ALK: variants seen among roughly 807,000 people sequenced by gnomAD.
ALK encodes ALK receptor tyrosine kinase.
Under a neutral mutation model 163.1 loss-of-function variants are expected in ALK, and 74 were observed. That is an observed-to-expected ratio of 0.45 (90% CI 0.38 to 0.55). The LOEUF (loss-of-function observed/expected upper bound fraction) is 0.55, where lower values mean the gene tolerates loss of function less well. Ranked by LOEUF, ALK falls within the 20% of genes least tolerant of loss-of-function variation. The probability of loss-of-function intolerance (pLI) is 0.00; values close to 1 mark genes in which losing one functional copy is unlikely to be tolerated. For synonymous variants in ALK, 960 were observed against 843.2 expected (o/e 1.14, Z -2.40); for missense variants, 2,063 against 2,105.3 (o/e 0.98, Z 0.39).
At chr2:29,582,478 T>A (rs1399158300) in intron 3 of ALK, among the ~76,000 whole-genome samples, 1 of 152,234 alleles carries the variant, frequency 6.6e-6, no homozygotes, top group African/African-American at 2.4e-5. Context: ...GTGCCATGGA[T>A]GTGACAGATT....
At chr2:29,876,387 A>T (rs1255555210) in intron 1 of ALK, among the ~76,000 whole-genome samples, 1 of 148,656 alleles carries the variant, frequency 6.7e-6, no homozygotes, top group Non-Finnish European at 1.5e-5. Flanking sequence ...AGTGATAATG[A>T]TGATGGTGAT....
chr2:29,233,283 C>CA (rs1388260041), intron 14 of ALK, among the ~76,000 whole-genome samples: 32 of 152,270 alleles, frequency 2.1e-4, no homozygotes, highest in African/African-American at 7.0e-4. Flanking sequence ...GCTAGGACTA[C>CA]AGGTGCAAGC....
chr2:29,719,952 G>A (rs1334543030), intron 1 of ALK, among the ~76,000 whole-genome samples: 1 of 152,158 alleles, frequency 6.6e-6, no homozygotes, highest in Non-Finnish European at 1.5e-5. Context: ...TTAGACTCTA[G>A]GTCTGAGTCA....
intron 11 of ALK, among the ~76,000 whole-genome samples, chr2:29,265,733 A>G (rs576391474): frequency 6.6e-6 from 1 of 152,304 alleles, no homozygotes; most frequent in Admixed American, 6.5e-5. Context: ...CATGCCTGTA[A>G]TCTCAGCACT....
chr2:29,687,673 T>C (rs908705927), intron 3 of ALK, among the ~76,000 whole-genome samples: 9 of 152,136 alleles, frequency 5.9e-5, no homozygotes, highest in African/African-American at 9.7e-5. Context: ...CTTCTGCTAC[T>C]GTGTTGGTAT....
chr2:29,565,653 G>A (rs545639004), intron 3 of ALK, among the ~76,000 whole-genome samples: 15 of 152,258 alleles, frequency 9.9e-5, no homozygotes, highest in African/African-American at 2.2e-4. Flanking sequence ...CAGCCACCAC[G>A]TTGCCCTGGG....
chr2:29,327,218 G>A (rs1333234273), intron 6 of ALK, among the ~76,000 whole-genome samples: 5 of 152,140 alleles, frequency 3.3e-5, no homozygotes, highest in Non-Finnish European at 7.4e-5. Context: ...TGGGGCCTCG[G>A]CAATTTGTTT....
chr2:29,685,061 T>C (rs1678195515), intron 3 of ALK, among the ~76,000 whole-genome samples: 2 of 152,210 alleles, frequency 1.3e-5, no homozygotes, highest in African/African-American at 2.4e-5. Context: ...GAAATACCTA[T>C]CTTGCTATAT....
chr2:29,497,360 C>T (rs1028462596), intron 4 of ALK, among the ~76,000 whole-genome samples: 4 of 152,196 alleles, frequency 2.6e-5, no homozygotes, highest in African/African-American at 9.7e-5. Context: ...CTGCGTACCA[C>T]TCCCTTGGTT....
chr2:29,919,020 T>C (rs1194580887), intron 1 of ALK, among the ~76,000 whole-genome samples: 1 of 152,304 alleles, frequency 6.6e-6, no homozygotes, highest in East Asian at 1.9e-4. Flanking sequence ...AGTCAAAGGA[T>C]ACTCTGGAAA....
rs111505977 is a variant in ALK at position 29,207,114 on chromosome 2, G to A, written c.3938+57C>T. The A allele has an allele frequency of 8.7e-4, 1,207 of 1,392,500 alleles. 2 individuals are homozygous for A. In the African/African-American group the frequency reaches 0.012, roughly 14 times the overall value. 86.3% of individuals were successfully genotyped at this position (1,392,500 alleles called of 1,614,324 possible). A position where few individuals can be genotyped will look rare whatever the true frequency, so the allele number is the denominator to read the frequency against. On this transcript the variant is annotated intron_variant, in intron 26 of 28. Coordinates refer to ENST00000389048, the MANE Select transcript of ALK (RefSeq NM_004304.5). Reference sequence around the variant, plus strand: ...CCGGCTTAGAGTATAGAGTCCTTTGGCCCAGGAGCACCACCTTATGGCTGC... The same window carrying A: ...CCGGCTTAGAGTATAGAGTCCTTTGACCCAGGAGCACCACCTTATGGCTGC...
At chr2:29,711,526 C>T (rs1241315085) in intron 2 of ALK, among the ~76,000 whole-genome samples, 1 of 152,096 alleles carries the variant, frequency 6.6e-6, no homozygotes, top group Non-Finnish European at 1.5e-5. Context: ...ATGTCTAGAG[C>T]ACAACTAAGC....
intron 4 of ALK, among the ~76,000 whole-genome samples, chr2:29,497,511 C>A (rs374248662): frequency 6.6e-6 from 1 of 152,222 alleles, no homozygotes; most frequent in African/African-American, 2.4e-5. Flanking sequence ...CACATCCCCA[C>A]TGACCTCAGC....
chr2:29,234,838 A>T (rs974064858), intron 13 of ALK, among the ~76,000 whole-genome samples: 8 of 152,152 alleles, frequency 5.3e-5, no homozygotes, highest in Non-Finnish European at 1.0e-4. Flanking sequence ...TCTGCCTCCC[A>T]AGCAGCTGGG....
intron 1 of ALK, among the ~76,000 whole-genome samples, chr2:29,869,927 A>G (rs1354336017): frequency 2.6e-5 from 4 of 152,212 alleles, no homozygotes; most frequent in African/African-American, 9.6e-5. Flanking sequence ...GAGAAAATAC[A>G]AATGGTAAAT....
intron 3 of ALK, among the ~76,000 whole-genome samples, chr2:29,534,913 C>A (rs939576633): frequency 6.6e-6 from 1 of 152,126 alleles, no homozygotes; most frequent in Non-Finnish European, 1.5e-5. Context: ...TTTCTGCAAC[C>A]GGACTATCAA....
intron 8 of ALK, among the ~76,000 whole-genome samples, chr2:29,315,823 C>T (rs947859443): frequency 3.3e-5 from 5 of 152,266 alleles, no homozygotes; most frequent in East Asian, 3.9e-4. Context: ...TTTAACTTCC[C>T]GGAGACCAGG....
intron 5 of ALK, among the ~76,000 whole-genome samples, chr2:29,362,748 G>A (rs1382873996): frequency 2.0e-5 from 3 of 152,112 alleles, no homozygotes; most frequent in Admixed American, 6.5e-5. Flanking sequence ...AGCTCTTTAA[G>A]GCCAGAAAAC....
intron 1 of ALK, among the ~76,000 whole-genome samples, chr2:29,779,111 G>C (rs368728112): frequency 1.1e-4 from 16 of 152,090 alleles, no homozygotes; most frequent in South Asian, 1.0e-3. Context: ...AGCCGAGATC[G>C]TGCCACTGCA....
Sources: gnomAD v4.1 joint callset for allele counts (sites outside exome capture counted in the v4.1 genomes callset) on GRCh38, gnomAD v4.1.1 for gene constraint, MANE v1.5 for transcripts, NCBI Gene and HGNC (gene_info 2026-07-23, HGNC 2026-07-21) for gene names.